The following PRIMPOL variants were observed in gnomAD, a reference collection of about 807,000 sequenced individuals.
PRIMPOL encodes DNA-directed primase/polymerase protein.
In PRIMPOL, 54 loss-of-function variants were observed where a neutral mutation model predicts 63.6. The ratio of observed to expected loss-of-function variants is 0.85; its 90% CI spans 0.68 to 1.07. The LOEUF (loss-of-function observed/expected upper bound fraction) is 1.07, where lower values mean the gene tolerates loss of function less well. Ranked by LOEUF, PRIMPOL falls within the 50% of genes least tolerant of loss-of-function variation. PRIMPOL has a pLI of 0.00. For synonymous variants in PRIMPOL, 197 were observed against 220.2 expected (o/e 0.89, Z 0.93); for missense variants, 610 against 648.3 (o/e 0.94, Z 0.64).
At chr4:184,693,112 A>AC (rs1247867269) in intron 13 of PRIMPOL, among the ~76,000 whole-genome samples, 6 of 152,252 alleles carry the variant, frequency 3.9e-5, no homozygotes, top group African/African-American at 7.2e-5. Flanking sequence ...TAGAAAACTC[A>AC]GTCTTAACAC....
chr4:184,651,842 T>A (rs1744608444), intron 1 of PRIMPOL, among the ~76,000 whole-genome samples, 181 bp from the exon 2 acceptor site: 1 of 152,122 alleles, frequency 6.6e-6, no homozygotes, highest in Non-Finnish European at 1.5e-5. Flanking sequence ...AGAGATGGGG[T>A]TTCACCATGT....
At chr4:184,649,982 A>G (rs934695187) in intron 1 of PRIMPOL, 74 bp downstream of exon 1, 1 of 152,122 alleles carries the variant, frequency 6.6e-6, no homozygotes, top group South Asian at 2.1e-4. Flanking sequence ...CCTAAATCAA[A>G]AGCCTTAACC....
At chr4:184,682,205 C>A in intron 8 of PRIMPOL, 43 bp from the exon 9 acceptor site, 1 of 1,012,416 alleles carries the variant, frequency 9.9e-7, no homozygotes, top group South Asian at 1.3e-5. Context: ...TTGTTAGTTC[C>A]AGTGTGATGG....
chr4:184,670,319 T>C (rs1246748048), intron 6 of PRIMPOL, among the ~76,000 whole-genome samples: 1 of 152,218 alleles, frequency 6.6e-6, no homozygotes. Context: ...GTAGCTGCAA[T>C]GTTAAGTTTT....
chr4:184,691,440 G>T, intron 11 of PRIMPOL, 59 bp from the exon 12 acceptor site: 2 of 1,000,736 alleles, frequency 2.0e-6, no homozygotes, highest in South Asian at 2.9e-5. Context: ...CATGCAGCTG[G>T]ATTTTGTTTT....
At chr4:184,694,485 C>T (rs757183185) in intron 13 of PRIMPOL, 37 bp from the exon 14 acceptor site, 1 of 1,589,330 alleles carries the variant, frequency 6.3e-7, no homozygotes, top group Admixed American at 1.7e-5. Flanking sequence ...AAATATTTTC[C>T]TATCCCACTC....
Position 184,685,643 on chromosome 4 carries a change from G to T in PRIMPOL, c.1254G>T (p.Trp418Cys), listed in dbSNP as rs1471810258. The T allele has an allele frequency of 1.2e-6, 2 of 1,609,654 alleles. No homozygotes were observed. Among genetic ancestry groups the T allele is most frequent in the African/African-American group, 2.7e-5 (2 of 74,790 alleles). The change falls in exon 11 of 14, where the codon TGG becomes TGT. Residue 418 changes from tryptophan to cysteine, a missense_variant. By Grantham distance (215) the Trp-to-Cys change is radical. Coordinates refer to ENST00000314970, the MANE Select transcript of PRIMPOL (RefSeq NM_152683.4). ...TTTATGATATTTGTAAATATCGGTGGTGTGAAAACATTGGAAGAGCCCATA... is the reference window on the plus strand; with the variant it reads ...TTTATGATATTTGTAAATATCGGTGTTGTGAAAACATTGGAAGAGCCCATA... The part of the protein sequence containing the change: ...LLVYDICKYR[W>C]CENIGRAHKS...
chr4:184,670,397 TTTCAC>T (rs1305553899), intron 6 of PRIMPOL, among the ~76,000 whole-genome samples: 1 of 152,236 alleles, frequency 6.6e-6, no homozygotes, highest in African/African-American at 2.4e-5. Flanking sequence ...TGTGATTTCT[TTTCAC>T]TTGGTGTTTA....
At chr4:184,692,976 A>C (rs1329461108) in intron 13 of PRIMPOL, among the ~76,000 whole-genome samples, 3 of 152,148 alleles carry the variant, frequency 2.0e-5, no homozygotes, top group South Asian at 4.1e-4. Flanking sequence ...TTTTTGACGT[A>C]TTTCACTTTT....
chr4:184,663,076 G>C (rs1748851565), intron 5 of PRIMPOL, among the ~76,000 whole-genome samples: 1 of 147,294 alleles, frequency 6.8e-6, no homozygotes, highest in African/African-American at 2.5e-5. Flanking sequence ...ACAGAGTCTA[G>C]CTCTGTCACC....
chr4:184,652,655 G>C (rs916421381), intron 2 of PRIMPOL, among the ~76,000 whole-genome samples: 2 of 152,034 alleles, frequency 1.3e-5, no homozygotes, highest in East Asian at 1.9e-4. Flanking sequence ...CTTTAGCAGT[G>C]GGAGAAATAG....
chr4:184,667,415 A>G (rs951459160), intron 6 of PRIMPOL, among the ~76,000 whole-genome samples: 2 of 151,896 alleles, frequency 1.3e-5, no homozygotes, highest in Non-Finnish European at 2.9e-5. Context: ...GGTTCAAGCG[A>G]TTCTCCTGCC....
At chr4:184,655,751 T>C (rs1194138781) in intron 2 of PRIMPOL, among the ~76,000 whole-genome samples, 2 of 152,206 alleles carry the variant, frequency 1.3e-5, no homozygotes, top group Non-Finnish European at 2.9e-5. Flanking sequence ...AGCACAAATG[T>C]GTTACCAAAG....
chr4:184,664,692 G>C (rs1213728572), intron 5 of PRIMPOL, among the ~76,000 whole-genome samples: 3 of 152,198 alleles, frequency 2.0e-5, no homozygotes, highest in African/African-American at 7.2e-5. Context: ...CCCTGCTGTA[G>C]AGGAGCCTGG....
At chr4:184,681,491 A>G (rs549028538) in intron 8 of PRIMPOL, among the ~76,000 whole-genome samples, 2 of 152,280 alleles carry the variant, frequency 1.3e-5, no homozygotes, top group East Asian at 3.9e-4. Flanking sequence ...AATATAGTGC[A>G]CATGCTATAT....
intron 9 of PRIMPOL, among the ~76,000 whole-genome samples, chr4:184,683,730 A>G (rs1311506965): frequency 6.6e-6 from 1 of 152,070 alleles, no homozygotes; most frequent in Non-Finnish European, 1.5e-5. Flanking sequence ...TGTTTTTTTC[A>G]AAGATTTCTT....
chr4:184,678,296 T>C lies in PRIMPOL; in HGVS notation c.909T>C (p.Ala303=). Residue 303 remains alanine (A), a synonymous_variant, in exon 8 of 14, where the codon GCT becomes GCC. Transcript: ENST00000314970. ...CATCAAAAATTGGAAAGCGTGTGGC[T>C]TTGGAGGTTACTGAAGATAACAAAT... The part of the protein sequence containing the change: ...YKSSKIGKRV[A]LEVTEDNKFF... The C allele has an allele frequency of 6.2e-7, 1 of 1,607,214 alleles. No individual in the cohort carries two copies. Among genetic ancestry groups the C allele is most frequent in the Non-Finnish European group, 8.5e-7 (1 of 1,177,594 alleles).
chr4:184,654,188 C>T (rs1483462606), intron 2 of PRIMPOL, among the ~76,000 whole-genome samples: 59 of 152,146 alleles, frequency 3.9e-4, no homozygotes, highest in Admixed American at 3.8e-3. Flanking sequence ...TCACGAAGTA[C>T]GAATATCCAC....
chr4:184,694,751 A>G lies in PRIMPOL; in HGVS notation c.1655A>G (p.Glu552Gly), dbSNP rs756273134. 8.1e-6 allele frequency: 13 copies of G among 1,612,294 alleles called. No individual in the cohort carries two copies. The South Asian group carries it at 1.4e-4, about 18-fold the overall frequency. ...YNSEVDEIPD[E>G]LIIEVLQE The stretch of plus-strand genomic sequence containing the variant: ...AGTGAAGTGGATGAAATTCCTGATG[A>G]ACTAATTATAGAAGTATTACAAGAG... Residue 552 changes from glutamate (E) to glycine (G), a missense_variant, in exon 14 of 14, where the codon GAA becomes GGA. Glu to Gly is a moderately conservative substitution (Grantham distance 98). Around this residue, in one of 3 missense-constraint regions of PRIMPOL, gnomAD observed 444 missense variants for 456.4 expected, o/e 0.97. Coordinates refer to ENST00000314970, the MANE Select transcript of PRIMPOL (RefSeq NM_152683.4).
Sources: gnomAD v4.1 joint callset for allele counts (sites outside exome capture counted in the v4.1 genomes callset) on GRCh38, gnomAD v4.1.1 for gene constraint, gnomAD v4.1.1 regional missense constraint, MANE v1.5 for transcripts, NCBI Gene and HGNC (gene_info 2026-07-23, HGNC 2026-07-21) for gene names.